SLCO5A1: variants seen among roughly 807,000 people sequenced by gnomAD.
The protein encoded by SLCO5A1 is solute carrier organic anion transporter family member 5A1.
In SLCO5A1, 39 loss-of-function variants were observed where a neutral mutation model predicts 65.1. The observed-to-expected ratio is 0.60, with a 90% CI of 0.46 to 0.78. The LOEUF is 0.78. SLCO5A1 is among the 30% of genes least tolerant of loss of function. The pLI, the probability that SLCO5A1 is intolerant of heterozygous loss-of-function variation, is 0.00. For synonymous variants in SLCO5A1, 438 were observed against 415.7 expected (o/e 1.05, Z -0.65); for missense variants, 1,029 against 1,069.4 (o/e 0.96, Z 0.53).
chr8:69,736,622 G>T (rs949932003), intron 5 of SLCO5A1, among the ~76,000 whole-genome samples: 3 of 152,304 alleles, frequency 2.0e-5, no homozygotes, highest in African/African-American at 7.2e-5. Context: ...CTTTGGAAAA[G>T]GCTGTAGTCT....
At chr8:69,806,417 G>A (rs1819991373) in intron 2 of SLCO5A1, among the ~76,000 whole-genome samples, 1 of 152,218 alleles carries the variant, frequency 6.6e-6, no homozygotes, top group East Asian at 1.9e-4. Context: ...CTTCCTGCTA[G>A]GACCCGGCAT....
At chr8:69,695,353 G>A (rs1043304152) in intron 6 of SLCO5A1, among the ~76,000 whole-genome samples, 5 of 151,994 alleles carry the variant, frequency 3.3e-5, no homozygotes, top group Admixed American at 6.6e-5. Flanking sequence ...AAAATTAGCC[G>A]GGCATGTTGG....
At chr8:69,757,403 C>T (rs901489877) in intron 3 of SLCO5A1, among the ~76,000 whole-genome samples, 2 of 151,998 alleles carry the variant, frequency 1.3e-5, no homozygotes, top group East Asian at 3.9e-4. Flanking sequence ...GCCTGTAATC[C>T]CAGCACTTTG....
chr8:69,736,842 G>C (rs1462852738), intron 5 of SLCO5A1, among the ~76,000 whole-genome samples: 2 of 152,140 alleles, frequency 1.3e-5, no homozygotes, highest in Admixed American at 1.3e-4. Context: ...GTGTGGCTTT[G>C]AATCTAACTT....
chr8:69,816,199 C>A (rs1820401403), intron 2 of SLCO5A1, among the ~76,000 whole-genome samples: 1 of 152,156 alleles, frequency 6.6e-6, no homozygotes, highest in South Asian at 2.1e-4. Flanking sequence ...GGGGGCTCTT[C>A]TGGACATCGT....
chr8:69,809,726 G>A (rs931180637), intron 2 of SLCO5A1, among the ~76,000 whole-genome samples: 1 of 149,522 alleles, frequency 6.7e-6, no homozygotes, highest in East Asian at 1.9e-4. Flanking sequence ...ACCGATCTAA[G>A]GAGTGTGGTG....
rs1813272213 is a variant in SLCO5A1 at position 69,669,569 on chromosome 8, C to T, written c.*3300G>A. 1.3e-5 allele frequency: 2 copies of T among 152,108 alleles called. No individual in the cohort carries two copies. Among genetic ancestry groups the T allele is most frequent in the African/African-American group, 4.8e-5 (2 of 41,424 alleles). The allele number at this position is 152,108 out of a possible 1,614,324, so 9.4% of individuals were successfully genotyped here. A position where few individuals can be genotyped will look rare whatever the true frequency, so the allele number is the denominator to read the frequency against. ...GTGGCTCATGCCTGTAATCCCAGCA[C>T]TTTGAGAGGCCAAGGCAGGTGGATC... On this transcript the variant is annotated 3_prime_UTR_variant, in exon 10 of 10. Coordinates refer to ENST00000260126, the MANE Select transcript of SLCO5A1 (RefSeq NM_030958.3).
rs199562297 is a variant in SLCO5A1, at chr8:69,689,869, T to G, written c.1623-7526A>C. On this transcript the variant is annotated intron_variant, in intron 6 of 9. Transcript: ENST00000260126. ...ACTTTAAAGTAGTTTTTTCCAATTC[T>G]GTGAAGAAAGTCATTGGTAGCTTGA... Among the ~76,000 whole-genome samples the G allele has an allele frequency of 8.5e-5, 13 of 152,292 alleles. No individual in the cohort carries two copies. In the East Asian group the frequency reaches 2.3e-3, roughly 27 times the overall value.
At chr8:69,684,940 C>A (rs868576398) in intron 6 of SLCO5A1, among the ~76,000 whole-genome samples, 2 of 152,156 alleles carry the variant, frequency 1.3e-5, no homozygotes, top group African/African-American at 4.8e-5. Flanking sequence ...CTGTTCTAGA[C>A]CAACTTTCAC....
chr8:69,712,743 C>CTATT (rs1242086612), intron 5 of SLCO5A1, among the ~76,000 whole-genome samples: 1 of 152,132 alleles, frequency 6.6e-6, no homozygotes, highest in Non-Finnish European at 1.5e-5. Flanking sequence ...CAGTATCCTC[C>CTATT]TATTTATTTA....
chr8:69,690,374 C>T (rs1157743224), intron 6 of SLCO5A1, among the ~76,000 whole-genome samples: 1 of 151,444 alleles, frequency 6.6e-6, no homozygotes, highest in Non-Finnish European at 1.5e-5. Flanking sequence ...ACACCCGCCG[C>T]GGGCCTTTGT....
chr8:69,676,591 G>A lies in SLCO5A1; in HGVS notation c.2089+18C>T, dbSNP rs1289971465. ...CAAAGAGGAACTAAGAGGTACACTTGGAAATTCAGGGACGTACCAAGTGTT... is the reference window on the plus strand; with the variant it reads ...CAAAGAGGAACTAAGAGGTACACTTAGAAATTCAGGGACGTACCAAGTGTT... On this transcript the variant is annotated intron_variant, in intron 9 of 9. Transcript: ENST00000260126. 4 of 1,607,918 alleles carry A rather than the reference G, an allele frequency of 2.5e-6. No individual in the cohort carries two copies. Among genetic ancestry groups the A allele is most frequent in the Non-Finnish European group, 3.4e-6 (4 of 1,177,180 alleles).
intron 2 of SLCO5A1, among the ~76,000 whole-genome samples, chr8:69,787,325 T>C (rs1819074656): frequency 6.6e-6 from 1 of 152,216 alleles, no homozygotes; most frequent in African/African-American, 2.4e-5. Flanking sequence ...ATCGTTGCAA[T>C]TGAGTAGTGT....
At position 69,812,219 on chromosome 8, in the gene SLCO5A1, TC is replaced by T; in HGVS notation, c.907+19547del. 2.0e-5 allele frequency among the ~76,000 whole-genome samples: 3 copies of T among 152,282 alleles called. No homozygotes were observed. The East Asian group carries it at 5.8e-4, about 29-fold the overall frequency. Reference sequence around the variant, plus strand: ...CAGGAGCAACTTCTTAACGTTAGTTTCAGAAATACAGTATATACGGTATAGC... The same window carrying T: ...CAGGAGCAACTTCTTAACGTTAGTTTAGAAATACAGTATATACGGTATAGC... On this transcript the variant is annotated intron_variant, in intron 2 of 9. Coordinates refer to ENST00000260126, the MANE Select transcript of SLCO5A1 (RefSeq NM_030958.3).
At chr8:69,814,812 C>T (rs1820337864) in intron 2 of SLCO5A1, among the ~76,000 whole-genome samples, 1 of 151,056 alleles carries the variant, frequency 6.6e-6, no homozygotes, top group African/African-American at 2.5e-5. Context: ...GAAAACTATT[C>T]CACCTTAAAA....
chr8:69,732,901 C>T (rs1213258232), intron 5 of SLCO5A1, among the ~76,000 whole-genome samples: 5 of 151,810 alleles, frequency 3.3e-5, no homozygotes, highest in Non-Finnish European at 7.4e-5. Flanking sequence ...AAAAAAAAAT[C>T]ACATAGAAAT....
rs923110952 is a variant in SLCO5A1 at position 69,751,468 on chromosome 8, G to A, written c.1258+3956C>T. On this transcript the variant is annotated intron_variant, in intron 4 of 9. Transcript: ENST00000260126. ...CAATGTCTGTCATTAAAATGTGGAG[G>A]TGGAGTATATTTTCTTCTATCATTC... Among the ~76,000 whole-genome samples the A allele has an allele frequency of 1.1e-3, 164 of 152,084 alleles. 2 individuals are homozygous for A. The highest frequency in any genetic ancestry group is 3.7e-3 in the African/African-American group (155 of 41,460).
At chr8:69,743,224 A>C (rs1294483847) in intron 4 of SLCO5A1, among the ~76,000 whole-genome samples, 2 of 152,212 alleles carry the variant, frequency 1.3e-5, no homozygotes, top group Non-Finnish European at 2.9e-5. Context: ...ATAAGGCAGA[A>C]GGTATTGATA....
chr8:69,792,500 T>C lies in SLCO5A1; in HGVS notation c.908-30625A>G, dbSNP rs985803066. On this transcript the variant is annotated intron_variant, in intron 2 of 9. Coordinates refer to ENST00000260126, the MANE Select transcript of SLCO5A1 (RefSeq NM_030958.3). ...GGCAATGGGGAATATAAGGAGCCTA[T>C]GCCAGTGTTTGAGCAAAGGAATGAT... 3.3e-5 allele frequency among the ~76,000 whole-genome samples: 5 copies of C among 152,328 alleles called. No individual in the cohort carries two copies. In the East Asian group the frequency reaches 9.6e-4, roughly 29 times the overall value.
Sources: allele counts gnomAD v4.1 joint callset (sites outside exome capture counted in the v4.1 genomes callset), GRCh38; gene constraint gnomAD v4.1.1; transcripts MANE v1.5; gene names NCBI Gene and HGNC (gene_info 2026-07-23, HGNC 2026-07-21).